The following RPS6KA2 variants were observed in gnomAD, a reference collection of about 807,000 sequenced individuals.
The protein encoded by RPS6KA2 is ribosomal protein S6 kinase A2.
In RPS6KA2, 42 loss-of-function variants were observed where a neutral mutation model predicts 91.8. The observed-to-expected ratio is 0.46, with a 90% confidence interval of 0.36 to 0.59. The LOEUF is 0.59. Ranked by LOEUF, RPS6KA2 falls within the 20% of genes least tolerant of loss-of-function variation. The pLI is 0.00. For synonymous variants in RPS6KA2, 414 were observed against 393.6 expected, an observed-to-expected ratio of 1.05 and a Z score of -0.61; for missense variants, 798 against 978.5, an observed-to-expected ratio of 0.82 and a Z score of 2.46.
intron 12 of RPS6KA2, among the ~76,000 whole-genome samples, chr6:166,454,655 C>T (rs1166063528): frequency 6.6e-6 from 1 of 151,992 alleles, no homozygotes; most frequent in Non-Finnish European, 1.5e-5. Flanking sequence ...TCAACAGTGG[C>T]CCATCTGTAT....
chr6:166,838,886 TCATAAGAGG>T (rs1780386197), intron 2 of RPS6KA2, among the ~76,000 whole-genome samples: 1 of 137,666 alleles, frequency 7.3e-6, no homozygotes. Context: ...ACCAGGGCCC[TCATAAGAGG>T]AAGGCAGCAG....
chr6:166,480,475 GATTTTATAT>G lies in RPS6KA2; in HGVS notation c.907+8349_907+8357del, dbSNP rs1368898414. On this transcript the variant is annotated intron_variant, in intron 10 of 20. Coordinates refer to ENST00000265678, the MANE Select transcript of RPS6KA2 (RefSeq NM_021135.6). ...AGAATCTTATATTCCTTAAGATTGT[GATTTTATAT>G]ATATATATATATATATATATATATA... Among the ~76,000 whole-genome samples, 94 of 60,996 alleles carry G rather than the reference GATTTTATAT, an allele frequency of 1.5e-3. 2 individuals carry two copies. The highest frequency in any genetic ancestry group is 2.1e-3 in the African/African-American group (26 of 12,362). 40.0% of individuals were successfully genotyped at this position (60,996 alleles called of 152,430 possible).
At chr6:166,483,945 C>T (rs1175081937) in intron 10 of RPS6KA2, among the ~76,000 whole-genome samples, 1 of 152,362 alleles carries the variant, frequency 6.6e-6, no homozygotes, top group Non-Finnish European at 1.5e-5. Flanking sequence ...CTGTGCAAGT[C>T]ACTAGCAGAA....
chr6:166,448,664 C>T lies in RPS6KA2; in HGVS notation c.1332+60G>A. On this transcript the variant is annotated intron_variant, in intron 14 of 20. Coordinates refer to ENST00000265678, the MANE Select transcript of RPS6KA2 (RefSeq NM_021135.6). The surrounding 1 kb of genome is among the most constrained non-coding windows in gnomAD (Gnocchi z 4.7). ...CTATGCTCCGTGCTCCCACATACCA[C>T]ACGTGCTCCCACGCGCTGCACTCAC... 6.5e-7 allele frequency: 1 copy of T among 1,538,010 alleles called. No homozygotes were observed. Among genetic ancestry groups the T allele is most frequent in the Non-Finnish European group, 8.8e-7 (1 of 1,136,618 alleles).
Position 166,693,679 on chromosome 6 carries a change from G to A in RPS6KA2, c.124-154895C>T, listed in dbSNP as rs151212658. Among the ~76,000 whole-genome samples, 10 of 152,270 alleles carry A rather than the reference G, an allele frequency of 6.6e-5. No homozygotes were observed. In the East Asian group the frequency reaches 7.7e-4, roughly 12 times the overall value. The stretch of plus-strand genomic sequence containing the variant: ...CTCCCCCGCAATTTAACATGATGTC[G>A]TTTGCATCCTTGTGAATACAGTGTG... On this transcript the variant is annotated intron_variant, in intron 2 of 21. Transcript: ENST00000503859.
intron 2 of RPS6KA2, among the ~76,000 whole-genome samples, chr6:166,842,455 T>C (rs1780508252): frequency 6.6e-6 from 1 of 152,094 alleles, no homozygotes. Context: ...GGACAAATTC[T>C]CCCAAAGAGT....
intron 10 of RPS6KA2, among the ~76,000 whole-genome samples, chr6:166,485,841 G>T (rs1235249552): frequency 1.3e-5 from 2 of 152,206 alleles, no homozygotes; most frequent in Non-Finnish European, 2.9e-5. Flanking sequence ...AGCCCAGGCT[G>T]TCCCTCTGTC....
At chr6:166,507,927 C>T (rs143997109) in intron 5 of RPS6KA2, among the ~76,000 whole-genome samples, 72 of 148,964 alleles carry the variant, frequency 4.8e-4, no homozygotes, top group Non-Finnish European at 9.1e-4. Context: ...CCACACATCA[C>T]GCACATGCAC....
intron 2 of RPS6KA2, among the ~76,000 whole-genome samples, chr6:166,660,314 GTGTGTGTGTGTGCA>G (rs1377866116): frequency 6.6e-6 from 1 of 151,256 alleles, no homozygotes; most frequent in Admixed American, 6.6e-5. Flanking sequence ...GTGTGTGCAT[GTGTGTGTGTGTGCA>G]TGTGTGTGTG....
Position 166,567,245 on chromosome 6 carries a change from T to C in RPS6KA2, c.100-28461A>G, listed in dbSNP as rs147812741. Among the ~76,000 whole-genome samples, 4 of 152,232 alleles carry C rather than the reference T, an allele frequency of 2.6e-5. No individual in the cohort carries two copies. In the East Asian group the frequency reaches 7.7e-4, roughly 29 times the overall value. The stretch of plus-strand genomic sequence containing the variant: ...TCTTTCCTAAGTGGGATTTGAGAAA[T>C]CCAAATCCTTGACATGTGCTTGGCC... On this transcript the variant is annotated intron_variant, in intron 1 of 20. Transcript: ENST00000265678.
chr6:166,709,058 T>C (rs1453151527), intron 2 of RPS6KA2, among the ~76,000 whole-genome samples: 1 of 152,188 alleles, frequency 6.6e-6, no homozygotes, highest in Non-Finnish European at 1.5e-5. Context: ...TGGGGTTCCA[T>C]ACACATTCCC....
At chr6:166,618,552 G>C (rs1786500374) in intron 1 of RPS6KA2, among the ~76,000 whole-genome samples, 1 of 152,228 alleles carries the variant, frequency 6.6e-6, no homozygotes, top group South Asian at 2.1e-4. Context: ...CCAAGGAAAA[G>C]ATTGACCATC....
chr6:166,738,110 A>G (rs1790718955), intron 2 of RPS6KA2, among the ~76,000 whole-genome samples: 1 of 152,214 alleles, frequency 6.6e-6, no homozygotes, highest in Non-Finnish European at 1.5e-5. Context: ...TTTCTTCCCT[A>G]TCAATGAACA....
In RPS6KA2 at chr6:166,412,647, G is replaced by C; in HGVS notation, c.*115C>G. 1 of 1,079,388 alleles carries C rather than the reference G, an allele frequency of 9.3e-7. No individual in the cohort carries two copies. The highest frequency in any genetic ancestry group is 1.3e-6 in the Non-Finnish European group (1 of 775,516). The allele number at this position is 1,079,388 out of a possible 1,614,324, so 66.9% of individuals were successfully genotyped here. A position where few individuals can be genotyped will look rare whatever the true frequency, so the allele number is the denominator to read the frequency against. On this transcript the variant is annotated 3_prime_UTR_variant, in exon 21 of 21. Coordinates refer to ENST00000265678, the MANE Select transcript of RPS6KA2 (RefSeq NM_021135.6). This position sits in a 1 kb window ranked among gnomAD's most constrained non-coding sequence, Gnocchi z 4.3. ...GAAAACACGGACACGGCGAGGGCGGGCGCCGCCTCCCTGCTGGACTTGTGG... is the reference window on the plus strand; with the variant it reads ...GAAAACACGGACACGGCGAGGGCGGCCGCCGCCTCCCTGCTGGACTTGTGG...
At chr6:166,456,995 G>A (rs1364158558) in intron 12 of RPS6KA2, among the ~76,000 whole-genome samples, 1 of 152,204 alleles carries the variant, frequency 6.6e-6, no homozygotes, top group Non-Finnish European at 1.5e-5. Context: ...ACTAGGTTGG[G>A]GTTTAAATTC....
intron 3 of RPS6KA2, among the ~76,000 whole-genome samples, chr6:166,520,175 C>T (rs182889279): frequency 1.4e-3 from 213 of 152,330 alleles, no homozygotes; most frequent in African/African-American, 4.9e-3. Context: ...CCTCTCCCCA[C>T]ACCAAGTTCT....
intron 2 of RPS6KA2, among the ~76,000 whole-genome samples, chr6:166,716,081 A>AGAAC (rs58781741): frequency 6.6e-6 from 1 of 150,768 alleles, no homozygotes; most frequent in African/African-American, 2.4e-5. Context: ...AAAGAAAGAA[A>AGAAC]AGCTGTAAGT....
chr6:166,694,040 C>T (rs1402030970), intron 2 of RPS6KA2, among the ~76,000 whole-genome samples: 1 of 152,218 alleles, frequency 6.6e-6, no homozygotes, highest in East Asian at 1.9e-4. Flanking sequence ...GACATTGCAG[C>T]TCATCAGGAA....
intron 2 of RPS6KA2, among the ~76,000 whole-genome samples, chr6:166,791,818 G>A (rs1457685072): frequency 5.3e-5 from 8 of 151,554 alleles, no homozygotes; most frequent in South Asian, 2.1e-4. Flanking sequence ...TGAAACCAAC[G>A]AGAACAAAGA....
Sources: allele counts gnomAD v4.1 joint callset (sites outside exome capture counted in the v4.1 genomes callset), GRCh38; gene constraint gnomAD v4.1.1; non-coding constraint Gnocchi (gnomAD v3.1); transcripts MANE v1.5; gene names NCBI Gene and HGNC (gene_info 2026-07-23, HGNC 2026-07-21).